The following VWA3A variants were observed in gnomAD, a reference collection of about 807,000 sequenced individuals.
VWA3A encodes the protein von Willebrand factor A domain containing 3A.
VWA3A carries 134 observed loss-of-function variants against 160.4 expected under a neutral mutation model. The ratio of observed to expected loss-of-function variants is 0.84; its 90% confidence interval spans 0.73 to 0.96. The LOEUF is 0.96. Ranked by LOEUF, VWA3A falls within the 40% of genes least tolerant of loss-of-function variation. The pLI, the probability that VWA3A is intolerant of heterozygous loss-of-function variation, is 0.00. For missense variants in VWA3A, 1,310 were observed against 1,447.9 expected (o/e 0.90, Z 1.55); for synonymous variants, 476 against 543.4 (o/e 0.88, Z 1.72).
At position 22,148,462 on chromosome 16, in the gene VWA3A, C is replaced by T. The variant is rs76430507; in HGVS notation, c.2984+156C>T. ...GTAGGAAAGAGCACTGTATTCTGCT[C>T]TGCTGTGAAGGAAATCAGTTTTTAG... On this transcript the variant is annotated intron_variant, in intron 28 of 33. Coordinates refer to ENST00000389398, the MANE Select transcript of VWA3A (RefSeq NM_173615.5). 7.2e-5 allele frequency among the ~76,000 whole-genome samples: 11 copies of T among 152,268 alleles called. No individual in the cohort carries two copies. The East Asian group carries it at 2.1e-3, about 29-fold the overall frequency.
intron 15 of VWA3A, 21 bp from the exon 16 acceptor site, chr16:22,123,592 C>T: frequency 6.2e-7 from 1 of 1,613,868 alleles, no homozygotes; most frequent in Non-Finnish European, 8.5e-7. Flanking sequence ...CAGCCGCTCA[C>T]TGTGGCCCAC....
intron 6 of VWA3A, among the ~76,000 whole-genome samples, chr16:22,105,483 G>GC (rs756620341): frequency 6.6e-6 from 1 of 152,232 alleles, no homozygotes; most frequent in Non-Finnish European, 1.5e-5. Context: ...TGTGTCTGCA[G>GC]AGGATAAAAG....
In VWA3A at chr16:22,116,882, T is replaced by C. The variant is rs759796754; in HGVS notation, c.924+15T>C. On this transcript the variant is annotated intron_variant, in intron 10 of 33. Transcript: ENST00000389398. ...AGATGCCCCCTGTGAGTGCCCGAGATTCTCTGAGGTGCCCCTTGGCTTTGG... is the reference window on the plus strand; with the variant it reads ...AGATGCCCCCTGTGAGTGCCCGAGACTCTCTGAGGTGCCCCTTGGCTTTGG... 1 of 1,606,742 alleles carries C rather than the reference T, an allele frequency of 6.2e-7. No homozygotes were observed. Among genetic ancestry groups the C allele is most frequent in the Non-Finnish European group, 8.5e-7 (1 of 1,175,058 alleles).
rs906218451 is a variant in VWA3A, at chr16:22,133,018, G to A, written c.1991G>A (p.Ser664Asn). Residue 664 changes from serine (S) to asparagine (N), a missense_variant, in exon 20 of 34, where the codon AGT becomes AAT. By Grantham distance (46) the Ser-to-Asn change is conservative. Coordinates refer to ENST00000389398, the MANE Select transcript of VWA3A (RefSeq NM_173615.5). ...ACCACACCCCCTGCCCGCTATGCCA[G>A]TCACACTGACACAGCCGCCGCCTAC... ...MDTTPPARYA[S>N]HTDTAAAYKE... 2 of 1,613,864 alleles carry A rather than the reference G, an allele frequency of 1.2e-6. No homozygotes were observed. The highest frequency in any genetic ancestry group is 1.7e-6 in the Non-Finnish European group (2 of 1,179,890).
At chr16:22,154,668 G>A (rs1007707919) in intron 31 of VWA3A, among the ~76,000 whole-genome samples, 2 of 151,722 alleles carry the variant, frequency 1.3e-5, no homozygotes, top group Non-Finnish European at 1.5e-5. Context: ...TAAAAAGCAT[G>A]CCTCAGCCGG....
intron 11 of VWA3A, 38 bp from the exon 12 acceptor site, chr16:22,118,864 A>G (rs749930244): frequency 6.2e-7 from 1 of 1,612,308 alleles, no homozygotes; most frequent in Non-Finnish European, 8.5e-7. Flanking sequence ...CAGGTAGTCA[A>G]GTGATTCCGG....
intron 11 of VWA3A, among the ~76,000 whole-genome samples, chr16:22,118,359 T>A (rs188705250): frequency 6.6e-6 from 1 of 152,120 alleles, no homozygotes; most frequent in Non-Finnish European, 1.5e-5. Context: ...CTTTACACTT[T>A]TACAGTTAGA....
intron 11 of VWA3A, among the ~76,000 whole-genome samples, chr16:22,118,603 G>A (rs904823685): frequency 6.6e-6 from 1 of 151,988 alleles, no homozygotes; most frequent in African/African-American, 2.4e-5. Context: ...GGAGAATGGC[G>A]TGAACCCAGG....
Position 22,153,975 on chromosome 16 carries a change from G to C in VWA3A, c.3405+1341G>C, listed in dbSNP as rs1299046802. ...GCTGATCTCAAACTCCTAGGATTAA[G>C]TAATCCTCCCGCCTGAGCTTCCCAA... On this transcript the variant is annotated intron_variant, in intron 31 of 33. Transcript: ENST00000389398. Among the ~76,000 whole-genome samples, 4 of 152,076 alleles carry C rather than the reference G, an allele frequency of 2.6e-5. No individual in the cohort carries two copies. The South Asian group carries it at 8.3e-4, about 31-fold the overall frequency.
intron 19 of VWA3A, 145 bp from the exon 20 acceptor site, chr16:22,132,755 G>C: frequency 1.3e-6 from 1 of 750,414 alleles, no homozygotes; most frequent in Non-Finnish European, 2.1e-6. Context: ...CTGCAACCCA[G>C]CCTCATCTCT....
Position 22,148,213 on chromosome 16 carries a change from T to G in VWA3A, c.2891T>G (p.Leu964Arg), listed in dbSNP as rs766114613. The change falls in exon 28 of 34, where the codon CTG (leucine) becomes CGG (arginine). Residue 964 changes from leucine to arginine, a missense_variant. Transcript: ENST00000389398. Reference protein sequence around the residue: ...TVLESKVCILLDTSGSMGPYL... With the variant: ...TVLESKVCILRDTSGSMGPYL... The stretch of plus-strand genomic sequence containing the variant: ...TTGGAGAGCAAAGTATGCATATTGC[T>G]GGACACGTCAGGGTCCATGGGCCCC... 19 of 1,602,390 alleles carry G rather than the reference T, an allele frequency of 1.2e-5. 1 individual carries two copies. Among genetic ancestry groups the G allele is most frequent in the Middle Eastern group, 3.3e-4 (2 of 6,070 alleles).
chr16:22,151,275 CAAA>C (rs528478882), intron 30 of VWA3A, among the ~76,000 whole-genome samples: 1 of 104,956 alleles, frequency 9.5e-6, no homozygotes, highest in African/African-American at 3.6e-5. Flanking sequence ...GTGAGACTGT[CAAA>C]AAAAAAAAAA....
Position 22,096,951 on chromosome 16 carries a change from C to A in VWA3A, c.101+6C>A. ...ATGTTTCTGGAAAACCATTGGTAAG[C>A]ATAGTTCTCTGATTTTTTTTTTTTT... On this transcript the variant is annotated splice_donor_region_variant and intron_variant, in intron 2 of 33. Coordinates refer to ENST00000389398, the MANE Select transcript of VWA3A (RefSeq NM_173615.5). The A allele has an allele frequency of 4.9e-6, 7 of 1,426,426 alleles. No individual in the cohort carries two copies. The highest frequency in any genetic ancestry group is 1.4e-5 in the African/African-American group (1 of 68,994). The allele number at this position is 1,426,426 out of a possible 1,614,324, so 88.4% of individuals were successfully genotyped here.
At position 22,150,843 on chromosome 16, in the gene VWA3A, A is replaced by C. The variant is rs1414898227; in HGVS notation, c.3278A>C (p.Asp1093Ala). The C allele has an allele frequency of 6.2e-7, 1 of 1,612,818 alleles. No homozygotes were observed. Among genetic ancestry groups the C allele is most frequent in the East Asian group, 2.2e-5 (1 of 44,868 alleles). The stretch of plus-strand genomic sequence containing the variant: ...CACACCATTTCCTTGAACTGCTCAG[A>C]CAGGTGCGCAATATGGAGTCTGACT... Reference protein sequence around the residue: ...KVHTISLNCSDRAAVEFLRKL... With the variant: ...KVHTISLNCSARAAVEFLRKL... The change falls in exon 30 of 34, where the codon GAC (aspartate) becomes GCC (alanine). Residue 1093 changes from aspartate (D) to alanine (A), a missense_variant. By Grantham distance (126) the Asp-to-Ala change is moderately radical. Transcript: ENST00000389398.
At position 22,150,722 on chromosome 16, in the gene VWA3A, G is replaced by A; in HGVS notation, c.3157G>A (p.Gly1053Arg). The A allele has an allele frequency of 6.2e-7, 1 of 1,610,994 alleles. No homozygotes were observed. Among genetic ancestry groups the A allele is most frequent in the Non-Finnish European group, 8.5e-7 (1 of 1,178,532 alleles). ...AGCTTTCAGTTTCCATGATCTGGAA[G>A]GATTGTACCTCCTGACCGACGGAAA... Reference protein sequence around the residue: ...LKAFSFHDLEGLYLLTDGKPD... With the variant: ...LKAFSFHDLERLYLLTDGKPD... The change falls in exon 30 of 34, where the codon GGA becomes AGA. Residue 1053 changes from glycine to arginine, a missense_variant. Transcript: ENST00000389398.
chr16:22,119,085 G>A (rs893447145), intron 12 of VWA3A, 58 bp downstream of exon 12: 67 of 1,534,244 alleles, frequency 4.4e-5, no homozygotes, highest in Middle Eastern at 3.5e-4. Context: ...AGCTGGCCTC[G>A]TTCCCCTTTC....
At chr16:22,123,468 A>G (rs1463078794) in intron 15 of VWA3A, 145 bp from the exon 16 acceptor site, 2 of 1,558,172 alleles carry the variant, frequency 1.3e-6, no homozygotes, top group Non-Finnish European at 1.7e-6. Context: ...TTTGTTCATG[A>G]TTTAGTGGAA....
chr16:22,104,011 C>T (rs918704870), intron 6 of VWA3A, among the ~76,000 whole-genome samples: 2 of 152,086 alleles, frequency 1.3e-5, no homozygotes, highest in Admixed American at 6.5e-5. Context: ...ATTAGCCCCC[C>T]AGCCCTCATG....
chr16:22,132,278 G>A (rs1467925929), intron 19 of VWA3A, among the ~76,000 whole-genome samples: 4 of 152,048 alleles, frequency 2.6e-5, no homozygotes, highest in Non-Finnish European at 5.9e-5. Flanking sequence ...AGCTACTCGG[G>A]AGGCTGAGGC....
Sources: allele counts gnomAD v4.1 joint callset (sites outside exome capture counted in the v4.1 genomes callset), GRCh38; gene constraint gnomAD v4.1.1; transcripts MANE v1.5; gene names NCBI Gene and HGNC (gene_info 2026-07-23, HGNC 2026-07-21).